NEMP2: variants seen among roughly 807,000 people sequenced by gnomAD.
NEMP2 encodes the protein nuclear envelope integral membrane protein 2, also known as UPF0571 transmembrane protein.
Under a neutral mutation model 54.2 loss-of-function variants are expected in NEMP2, and 53 were observed. The ratio of observed to expected loss-of-function variants is 0.98; its 90% CI spans 0.78 to 1.23. NEMP2 has a LOEUF of 1.23. Among genes scored for constraint, NEMP2 ranks in the 50% most tolerant of loss-of-function variants. NEMP2 has a pLI of 0.00. For missense variants in NEMP2, 455 were observed against 511.3 expected (o/e 0.89, Z 1.06); for synonymous variants, 197 against 190.3 (o/e 1.04, Z -0.29).
chr2:190,581,526 A>T, the NEMP2 span, among the ~76,000 whole-genome samples: 1 of 151,992 alleles, frequency 6.6e-6, no homozygotes, highest in African/African-American at 2.4e-5. Context: ...CAGTGACAGA[A>T]AAACTTACCT....
intron 7 of NEMP2, among the ~76,000 whole-genome samples, chr2:190,511,899 G>A (rs1690380142): frequency 6.6e-6 from 1 of 150,664 alleles, no homozygotes; most frequent in Admixed American, 6.6e-5. Context: ...AATATTTTGA[G>A]GTGGTTTTAA....
the NEMP2 span, among the ~76,000 whole-genome samples, chr2:190,473,580 T>C: frequency 1.3e-5 from 2 of 152,198 alleles, no homozygotes; most frequent in Admixed American, 1.3e-4. Flanking sequence ...AGCAAGTCCT[T>C]AGAGACCTAC....
chr2:190,434,219 A>G, the NEMP2 span, among the ~76,000 whole-genome samples: 1 of 151,882 alleles, frequency 6.6e-6, no homozygotes. This position sits in a 1 kb window ranked among gnomAD's most constrained non-coding sequence, Gnocchi z 4.3. Flanking sequence ...AGAAGGTGAA[A>G]GGAATTAACA....
the NEMP2 span, among the ~76,000 whole-genome samples, chr2:190,627,175 T>C: frequency 6.6e-6 from 1 of 152,256 alleles, no homozygotes; most frequent in Non-Finnish European, 1.5e-5. This position sits in a 1 kb window ranked among gnomAD's most constrained non-coding sequence, Gnocchi z 4.4. Context: ...TTTCCCGTGT[T>C]GTCCCAAGCT....
chr2:190,594,327 A>T, the NEMP2 span, among the ~76,000 whole-genome samples: 2 of 152,314 alleles, frequency 1.3e-5, no homozygotes, highest in East Asian at 3.9e-4. The surrounding 1 kb of genome is among the most constrained non-coding windows in gnomAD (Gnocchi z 5.6). Context: ...GATGTTACCC[A>T]AAAGTATCTC....
At chr2:190,570,529 A>C in the NEMP2 span, among the ~76,000 whole-genome samples, 14 of 152,240 alleles carry the variant, frequency 9.2e-5, no homozygotes, top group Admixed American at 7.9e-4. This position sits in a 1 kb window ranked among gnomAD's most constrained non-coding sequence, Gnocchi z 5.4. Flanking sequence ...CTTAGCAGGA[A>C]GCTAAGCCTC....
chr2:190,624,039 T>C, the NEMP2 span, among the ~76,000 whole-genome samples: 1 of 152,118 alleles, frequency 6.6e-6, no homozygotes, highest in South Asian at 2.1e-4. Context: ...TCCCAGCTAC[T>C]TAGGAGGCTG....
the NEMP2 span, among the ~76,000 whole-genome samples, chr2:190,481,292 C>CAACACATATATTTTTTTAAGT: frequency 3.9e-5 from 6 of 152,234 alleles, no homozygotes; most frequent in East Asian, 1.2e-3. Flanking sequence ...TTTTTTTAAG[C>CAACACATATATTTTTTTAAGT]AACTCATATA....
At chr2:190,551,671 A>T in the NEMP2 span, among the ~76,000 whole-genome samples, 2 of 151,912 alleles carry the variant, frequency 1.3e-5, no homozygotes, top group Admixed American at 1.3e-4. Context: ...TTTTCTGCTC[A>T]TTTTTTCCCC....
the NEMP2 span, among the ~76,000 whole-genome samples, chr2:190,483,677 G>A: frequency 6.6e-6 from 1 of 151,786 alleles, no homozygotes; most frequent in African/African-American, 2.4e-5. Context: ...TCTACTAAGG[G>A]TACGAAAATT....
the NEMP2 span, among the ~76,000 whole-genome samples, chr2:190,486,613 T>C: frequency 4.9e-4 from 74 of 152,352 alleles, no homozygotes; most frequent in African/African-American, 1.6e-3. Context: ...CACTGTCTCA[T>C]ATGTTTTGTC....
the NEMP2 span, among the ~76,000 whole-genome samples, chr2:190,616,076 T>C: frequency 6.6e-6 from 1 of 152,240 alleles, no homozygotes. This position sits in a 1 kb window ranked among gnomAD's most constrained non-coding sequence, Gnocchi z 5.1. Context: ...AGTCTGCAGT[T>C]TAATTTCAGG....
intron 4 of NEMP2, among the ~76,000 whole-genome samples, chr2:190,517,908 A>T (rs1020749623): frequency 6.6e-6 from 1 of 152,206 alleles, no homozygotes; most frequent in Non-Finnish European, 1.5e-5. Context: ...GGTTTTAGAA[A>T]GGAGAAAATT....
the NEMP2 span, among the ~76,000 whole-genome samples, chr2:190,636,771 T>C: frequency 5.9e-5 from 9 of 152,242 alleles, no homozygotes; most frequent in Admixed American, 5.2e-4. Flanking sequence ...TTAGTACTTA[T>C]AAGTCATTAG....
the NEMP2 span, chr2:190,628,530 CTT>C: frequency 6.6e-6 from 1 of 152,378 alleles, no homozygotes; most frequent in East Asian, 1.9e-4. This position sits in a 1 kb window ranked among gnomAD's most constrained non-coding sequence, Gnocchi z 4.1. Context: ...CTCAGGAACT[CTT>C]GAGTGAAGAC....
In NEMP2 at chr2:190,534,539, C is replaced by A; in HGVS notation, c.97+20G>T. On this transcript the variant is annotated intron_variant, in intron 1 of 8. Transcript: ENST00000409150. ...GAGCGAGCACGCACGCGCGCGCCGC[C>A]GCCGCCGGTCCCGGGTTACCTGATA... 7.2e-7 allele frequency: 1 copy of A among 1,388,082 alleles called. No individual in the cohort carries two copies. The highest frequency in any genetic ancestry group is 9.3e-7 in the Non-Finnish European group (1 of 1,076,228). 86.0% of individuals were successfully genotyped at this position (1,388,082 alleles called of 1,614,324 possible).
the NEMP2 span, among the ~76,000 whole-genome samples, chr2:190,469,184 G>A: frequency 6.6e-6 from 1 of 152,150 alleles, no homozygotes; most frequent in Non-Finnish European, 1.5e-5. The surrounding 1 kb of genome is among the most constrained non-coding windows in gnomAD (Gnocchi z 5.3). Flanking sequence ...TGAACTGATA[G>A]GAGAAACTAT....
chr2:190,630,426 C>T, the NEMP2 span, among the ~76,000 whole-genome samples: 1 of 152,018 alleles, frequency 6.6e-6, no homozygotes, highest in Non-Finnish European at 1.5e-5. This position sits in a 1 kb window ranked among gnomAD's most constrained non-coding sequence, Gnocchi z 5.5. Context: ...CCATGTTGGC[C>T]AGGCTAGCCT....
rs1016417167 is a variant in NEMP2 at position 190,520,463 on chromosome 2, A to G, written c.214-1280T>C. Among the ~76,000 whole-genome samples, 18 of 152,176 alleles carry G rather than the reference A, an allele frequency of 1.2e-4. No homozygotes were observed. Among genetic ancestry groups the G allele is most frequent in the African/African-American group, 4.1e-4 (17 of 41,434 alleles). The stretch of plus-strand genomic sequence containing the variant: ...TTTTCTAAGAGTAGGGCAACCCTGA[A>G]AAGGGGAGTAAGAGCACCAGCTTTG... On this transcript the variant is annotated intron_variant, in intron 2 of 8. Transcript: ENST00000409150. This position sits in a 1 kb window ranked among gnomAD's most constrained non-coding sequence, Gnocchi z 5.4.
Sources: allele counts gnomAD v4.1 joint callset (sites outside exome capture counted in the v4.1 genomes callset), GRCh38; gene constraint gnomAD v4.1.1; non-coding constraint Gnocchi (gnomAD v3.1); transcripts MANE v1.5; gene names NCBI Gene and HGNC (gene_info 2026-07-23, HGNC 2026-07-21).